DIPK2A: variants seen among roughly 807,000 people sequenced by gnomAD.
DIPK2A encodes the protein Golgi Protein of 49 kDa.
Under a neutral mutation model 39.0 loss-of-function variants are expected in DIPK2A, and 27 were observed. The observed-to-expected ratio is 0.69, with a 90% CI of 0.51 to 0.96. DIPK2A has a LOEUF of 0.96. Among genes scored for constraint, DIPK2A ranks in the 40% least tolerant of loss-of-function variants. The pLI is 0.00. For synonymous variants in DIPK2A, 298 were observed against 240.8 expected (o/e 1.24, Z -2.20); for missense variants, 528 against 571.3 (o/e 0.92, Z 0.77).
rs3083098 is a variant in DIPK2A, at chr3:143,976,584, G to GAGAGAGAGAGAGAGAGAGAGAGAGAA, written c.657+3596_657+3597insGAGAGAGAGAGAGAGAGAGAGAGAAA. On this transcript the variant is annotated intron_variant, in intron 1 of 2. Coordinates refer to ENST00000315691, the MANE Select transcript of DIPK2A (RefSeq NM_173552.5). ...AGAGAGAGAGAGAGAGAGAGAGAGA[G>GAGAGAGAGAGAGAGAGAGAGAGAGAA]ATGCTGTCTGGATTTGTTGAAGTTC... 1.6e-3 allele frequency among the ~76,000 whole-genome samples: 219 copies of GAGAGAGAGAGAGAGAGAGAGAGAGAA among 139,526 alleles called. 2 individuals are homozygous for GAGAGAGAGAGAGAGAGAGAGAGAGAA. Among genetic ancestry groups the GAGAGAGAGAGAGAGAGAGAGAGAGAA allele is most frequent in the Non-Finnish European group, 2.1e-3 (137 of 65,088 alleles). The allele number at this position is 139,526 out of a possible 152,430, so 91.5% of individuals were successfully genotyped here.
At chr3:143,981,592 C>T (rs181498361) in intron 1 of DIPK2A, among the ~76,000 whole-genome samples, 17 of 152,218 alleles carry the variant, frequency 1.1e-4, no homozygotes, top group African/African-American at 3.9e-4. Flanking sequence ...ATGTTGGCTT[C>T]TGGAATGCTC....
intron 1 of DIPK2A, among the ~76,000 whole-genome samples, chr3:143,983,580 C>T (rs2087857019): frequency 6.6e-6 from 1 of 152,150 alleles, no homozygotes; most frequent in East Asian, 1.9e-4. Context: ...AAATCTATAG[C>T]ATTAAATGCC....
In DIPK2A at chr3:143,988,451, T is replaced by C. The variant is rs565440447; in HGVS notation, c.962-1059T>C. Among the ~76,000 whole-genome samples, 22 of 152,266 alleles carry C rather than the reference T, an allele frequency of 1.4e-4. No individual in the cohort carries two copies. The South Asian group carries it at 3.7e-3, about 26-fold the overall frequency. ...TTCATTTTTAATACCCCTCCATCTA[T>C]TGCCCTTGGTGCTTCTGCTACAATG... On this transcript the variant is annotated intron_variant, in intron 2 of 2. Coordinates refer to ENST00000315691, the MANE Select transcript of DIPK2A (RefSeq NM_173552.5).
In DIPK2A at chr3:143,972,456, A is replaced by G. The variant is rs2087665937; in HGVS notation, c.124A>G (p.Asn42Asp). Residue 42 changes from asparagine (N) to aspartate (D), a missense_variant, in exon 1 of 3, where the codon AAC (asparagine) becomes GAC (aspartate). Around this residue, in one of 2 missense-constraint regions of DIPK2A, gnomAD observed 309 missense variants for 289.8 expected, o/e 1.07. Coordinates refer to ENST00000315691, the MANE Select transcript of DIPK2A (RefSeq NM_173552.5). ...SPSLLASWQR[N>D]ELTDRRFLQL... The stretch of plus-strand genomic sequence containing the variant: ...GTCGCTGCTCGCCTCTTGGCAGCGC[A>G]ACGAACTGACCGACCGGCGCTTCCT... 6.2e-7 allele frequency: 1 copy of G among 1,601,698 alleles called. No individual in the cohort carries two copies. The highest frequency in any genetic ancestry group is 8.5e-7 in the Non-Finnish European group (1 of 1,173,170).
chr3:143,973,164 C>G, intron 1 of DIPK2A, 175 bp downstream of exon 1: 5 of 1,055,242 alleles, frequency 4.7e-6, no homozygotes, highest in Non-Finnish European at 2.8e-6. Flanking sequence ...GCAGGGAGGC[C>G]GAGGGCGACC....
At chr3:143,976,316 T>C (rs1258923571) in intron 1 of DIPK2A, among the ~76,000 whole-genome samples, 3 of 152,046 alleles carry the variant, frequency 2.0e-5, no homozygotes, top group African/African-American at 7.2e-5. Context: ...ACATTTTTAC[T>C]TCACTAAGAT....
At chr3:143,973,431 T>C in intron 1 of DIPK2A, 3 of 1,550,968 alleles carry the variant, frequency 1.9e-6, no homozygotes, top group Non-Finnish European at 2.6e-6. Flanking sequence ...CTCTTCCTTT[T>C]CTGGCGCTGG....
intron 1 of DIPK2A, chr3:143,973,566 G>A (rs973541553): frequency 3.2e-6 from 5 of 1,544,000 alleles, no homozygotes; most frequent in Non-Finnish European, 4.4e-6. Flanking sequence ...GGTCGGGGTG[G>A]GTTTAATCTG....
chr3:143,988,959 A>G (rs890011701), intron 2 of DIPK2A, among the ~76,000 whole-genome samples: 3 of 152,190 alleles, frequency 2.0e-5, no homozygotes, highest in African/African-American at 7.2e-5. Context: ...TACACAAGTT[A>G]CGACCTATTT....
At chr3:143,985,123 G>T (rs1559856277) in intron 1 of DIPK2A, among the ~76,000 whole-genome samples, 1 of 152,218 alleles carries the variant, frequency 6.6e-6, no homozygotes, top group Non-Finnish European at 1.5e-5. Context: ...GTAACACAGT[G>T]CCTGTTGCCT....
chr3:143,975,954 C>T (rs1213592765), intron 1 of DIPK2A, among the ~76,000 whole-genome samples: 1 of 152,030 alleles, frequency 6.6e-6, no homozygotes, highest in Non-Finnish European at 1.5e-5. Context: ...TGTTTAAGAA[C>T]TGAAAAATAC....
intron 1 of DIPK2A, among the ~76,000 whole-genome samples, chr3:143,975,097 A>G (rs2107838840): frequency 6.6e-6 from 1 of 152,254 alleles, no homozygotes; most frequent in African/African-American, 2.4e-5. Context: ...GGGTAAACAC[A>G]TGGGCCATAG....
rs1005577216 is a variant in DIPK2A, at chr3:143,990,034, T to C, written c.*193T>C. On this transcript the variant is annotated 3_prime_UTR_variant, in exon 3 of 3. Coordinates refer to ENST00000315691, the MANE Select transcript of DIPK2A (RefSeq NM_173552.5). Reference sequence around the variant, plus strand: ...AAAAATCACATGATGCTTCTGCAAATAAGTATGTTCTTATACTTTGGAGGC... The same window carrying C: ...AAAAATCACATGATGCTTCTGCAAACAAGTATGTTCTTATACTTTGGAGGC... 4 of 585,118 alleles carry C rather than the reference T, an allele frequency of 6.8e-6. No homozygotes were observed. The highest frequency in any genetic ancestry group is 1.2e-5 in the Non-Finnish European group (4 of 331,064). 36.2% of individuals were successfully genotyped at this position (585,118 alleles called of 1,614,324 possible). A position where few individuals can be genotyped will look rare whatever the true frequency, so the allele number is the denominator to read the frequency against.
Position 143,972,251 on chromosome 3 carries a change from C to CT in DIPK2A, c.-81dup. The CT allele has an allele frequency of 3.9e-6, 5 of 1,270,936 alleles. No homozygotes were observed. The highest frequency in any genetic ancestry group is 5.1e-6 in the Non-Finnish European group (5 of 989,944). The allele number at this position is 1,270,936 out of a possible 1,614,324, so 78.7% of individuals were successfully genotyped here. ...TAGCTCCTTCTCTCGCCCGGGGTTC[C>CT]TGCCGGTAGCTCTCCGGGTCTTGGC... is the stretch of plus-strand genomic sequence containing the variant. On this transcript the variant is annotated 5_prime_UTR_variant, in exon 1 of 3. Coordinates refer to ENST00000315691, the MANE Select transcript of DIPK2A (RefSeq NM_173552.5).
chr3:143,985,462 A>G lies in DIPK2A; in HGVS notation c.658-81A>G, dbSNP rs79166188. 1,539 of 1,183,374 alleles carry G rather than the reference A, an allele frequency of 1.3e-3. 15 individuals are homozygous for G. The Admixed American group carries it at 0.017, about 13-fold the overall frequency. The allele number at this position is 1,183,374 out of a possible 1,614,324, so 73.3% of individuals were successfully genotyped here. On this transcript the variant is annotated intron_variant, in intron 1 of 2. Transcript: ENST00000315691. ...AAATCCAAAGTCATTCCTAGTAGCA[A>G]TCTCTACTGAAAGGATCTGAGGATA...
intron 1 of DIPK2A, among the ~76,000 whole-genome samples, chr3:143,975,110 T>G (rs2087710726): frequency 6.6e-6 from 1 of 152,146 alleles, no homozygotes; most frequent in African/African-American, 2.4e-5. Context: ...GGCCATAGGA[T>G]AAGAATTTGT....
intron 1 of DIPK2A, among the ~76,000 whole-genome samples, chr3:143,977,604 C>T (rs2087749274): frequency 6.6e-6 from 1 of 152,062 alleles, no homozygotes; most frequent in South Asian, 2.1e-4. Context: ...TAAGGAACCA[C>T]CTACTTCTCC....
intron 2 of DIPK2A, among the ~76,000 whole-genome samples, chr3:143,988,871 A>G (rs1464824348): frequency 5.3e-5 from 8 of 152,164 alleles, no homozygotes; most frequent in East Asian, 3.8e-4. Context: ...TGGGCCATCT[A>G]TAGTTGCTCT....
chr3:143,976,584 G>GAGAGAGAGAGAGA (rs3083098), intron 1 of DIPK2A, among the ~76,000 whole-genome samples: 3 of 139,508 alleles, frequency 2.2e-5, no homozygotes, highest in African/African-American at 8.5e-5. Flanking sequence ...GAGAGAGAGA[G>GAGAGAGAGAGAGA]ATGCTGTCTG....
Sources: gnomAD v4.1 joint callset for allele counts (sites outside exome capture counted in the v4.1 genomes callset) on GRCh38, gnomAD v4.1.1 for gene constraint, gnomAD v4.1.1 regional missense constraint, MANE v1.5 for transcripts, NCBI Gene and HGNC (gene_info 2026-07-23, HGNC 2026-07-21) for gene names.